GRID1: variants seen among roughly 807,000 people sequenced by gnomAD.
GRID1 encodes the protein glutamate ionotropic receptor delta type subunit 1.
GRID1 carries 28 observed loss-of-function variants against 98.0 expected under a neutral mutation model. The ratio of observed to expected loss-of-function variants is 0.29; its 90% CI spans 0.21 to 0.39. GRID1 has a LOEUF of 0.39. GRID1 is among the 10% of genes least tolerant of loss of function. The pLI, the probability that GRID1 is intolerant of heterozygous loss-of-function variation, is 1.00. For synonymous variants in GRID1, 553 were observed against 538.5 expected, an observed-to-expected ratio of 1.03 and a Z score of -0.37; for missense variants, 1,111 against 1,340.5, an observed-to-expected ratio of 0.83 and a Z score of 2.67.
chr10:86,223,218 T>C (rs1045018419), intron 2 of GRID1, among the ~76,000 whole-genome samples: 14 of 152,126 alleles, frequency 9.2e-5, no homozygotes, highest in Non-Finnish European at 2.1e-4. Flanking sequence ...GAGGGCACAG[T>C]AGGTTGCTCT....
Position 86,364,087 on chromosome 10 carries a change from A to C in GRID1, c.89T>G (p.Phe30Cys). The C allele has an allele frequency of 6.2e-7, 1 of 1,613,818 alleles. No homozygotes were observed. Among genetic ancestry groups the C allele is most frequent in the Admixed American group, 1.7e-5 (1 of 60,008 alleles). Residue 30 changes from phenylalanine to cysteine, a missense_variant, in exon 2 of 16, where the codon TTC becomes TGC. This residue lies in a region of GRID1 where 346 missense variants were observed against 452.3 expected (regional missense o/e 0.76). Coordinates refer to ENST00000327946, the MANE Select transcript of GRID1 (RefSeq NM_017551.3). ...GTCGTCCTTGGCCGCGTTCTCCTCG[A>C]AGATGGCACCTGGAGGAGAGAAGGG... The part of the protein sequence containing the change: ...ADSIIHIGAI[F>C]EENAAKDDRV...
At position 86,053,592 on chromosome 10, in the gene GRID1, G is replaced by C. The variant is rs989832587; in HGVS notation, c.726+85227C>G. 2.0e-5 allele frequency among the ~76,000 whole-genome samples: 3 copies of C among 152,044 alleles called. 1 individual carries two copies. In the South Asian group the frequency reaches 6.2e-4, roughly 32 times the overall value. Reference sequence around the variant, plus strand: ...GGCCAGGCTGGTCTCGAACTCAGGAGATCCGCCCGCCTCGGCCTCCCAAAG... The same window carrying C: ...GGCCAGGCTGGTCTCGAACTCAGGACATCCGCCCGCCTCGGCCTCCCAAAG... On this transcript the variant is annotated intron_variant, in intron 4 of 15. Transcript: ENST00000327946.
intron 3 of GRID1, among the ~76,000 whole-genome samples, chr10:86,188,480 C>A (rs1845755867): frequency 6.6e-6 from 1 of 152,212 alleles, no homozygotes. Flanking sequence ...CCCCTGCCAG[C>A]CCGCTGTCTA....
intron 4 of GRID1, among the ~76,000 whole-genome samples, chr10:86,137,037 C>T (rs1282233613): frequency 6.6e-6 from 1 of 152,062 alleles, no homozygotes; most frequent in Admixed American, 6.5e-5. Flanking sequence ...TCCCATCACA[C>T]CCAGCAATGC....
At chr10:85,968,320 G>A (rs990446618) in intron 4 of GRID1, among the ~76,000 whole-genome samples, 14 of 151,882 alleles carry the variant, frequency 9.2e-5, no homozygotes, top group African/African-American at 2.7e-4. Flanking sequence ...GCCTGGTGGC[G>A]GGCACCTGTA....
At chr10:85,689,162 T>C (rs551789688) in intron 12 of GRID1, among the ~76,000 whole-genome samples, 282 of 152,158 alleles carry the variant, frequency 1.9e-3, no homozygotes, top group Admixed American at 3.0e-3. Context: ...AATGATAAAA[T>C]ATCACACCAT....
chr10:86,254,033 C>G (rs1301462185), intron 2 of GRID1, among the ~76,000 whole-genome samples: 3 of 152,096 alleles, frequency 2.0e-5, no homozygotes, highest in Non-Finnish European at 4.4e-5. Flanking sequence ...CTGTCACCGC[C>G]ACCCCCTTCC....
chr10:85,893,267 T>C (rs916628093), intron 5 of GRID1, among the ~76,000 whole-genome samples: 4 of 152,066 alleles, frequency 2.6e-5, no homozygotes, highest in African/African-American at 9.7e-5. Context: ...TCAACCTACA[T>C]CTAACATCAT....
chr10:85,628,796 C>T lies in GRID1; in HGVS notation c.2194-8763G>A, dbSNP rs563275040. 7.4e-4 allele frequency among the ~76,000 whole-genome samples: 113 copies of T among 152,258 alleles called. 1 individual carries two copies. The highest frequency in any genetic ancestry group is 2.3e-3 in the African/African-American group (96 of 41,538). On this transcript the variant is annotated intron_variant, in intron 13 of 15. Transcript: ENST00000327946. ...CTGAAAAAGCTGCTTTCCTGAGGGTCCACAGGGTGCAAAGTTAATTTGGCT... is the reference window on the plus strand; with the variant it reads ...CTGAAAAAGCTGCTTTCCTGAGGGTTCACAGGGTGCAAAGTTAATTTGGCT...
chr10:85,945,406 C>G (rs1486237984), intron 4 of GRID1, among the ~76,000 whole-genome samples: 1 of 150,664 alleles, frequency 6.6e-6, no homozygotes, highest in Non-Finnish European at 1.5e-5. Flanking sequence ...TCAAAGCCTG[C>G]TTCCAGTTTC....
intron 3 of GRID1, among the ~76,000 whole-genome samples, chr10:86,167,517 G>T (rs117787411): frequency 0.023 from 3,453 of 152,336 alleles, 43 homozygotes; most frequent in Non-Finnish European, 0.035. Context: ...CGGTGCCAAG[G>T]TTCTGTGGGG....
chr10:86,103,346 T>C (rs1844327355), intron 4 of GRID1, among the ~76,000 whole-genome samples: 1 of 152,166 alleles, frequency 6.6e-6, no homozygotes, highest in Non-Finnish European at 1.5e-5. Context: ...CAATTCCCTA[T>C]AGGGCCCAGG....
intron 2 of GRID1, among the ~76,000 whole-genome samples, chr10:86,313,605 G>A (rs1847860537): frequency 6.6e-6 from 1 of 152,190 alleles, no homozygotes; most frequent in Non-Finnish European, 1.5e-5. Flanking sequence ...GCTCAGTTCA[G>A]TAGGTCCTTG....
At chr10:85,999,225 AAAG>A (rs1288657536) in intron 4 of GRID1, among the ~76,000 whole-genome samples, 4 of 150,928 alleles carry the variant, frequency 2.7e-5, no homozygotes, top group African/African-American at 4.9e-5. Flanking sequence ...AAAAAAAAAA[AAAG>A]AAAGAAAGAA....
At chr10:86,148,504 A>G (rs1712550564) in intron 3 of GRID1, among the ~76,000 whole-genome samples, 1 of 152,154 alleles carries the variant, frequency 6.6e-6, no homozygotes, top group Non-Finnish European at 1.5e-5. Flanking sequence ...AGGAGGTGAA[A>G]TTTCAATTAG....
intron 2 of GRID1, among the ~76,000 whole-genome samples, chr10:86,351,267 T>C (rs1239778222): frequency 2.6e-5 from 4 of 152,300 alleles, no homozygotes; most frequent in Admixed American, 1.3e-4. Flanking sequence ...AGACGGTGTA[T>C]GTGGATAGAA....
In GRID1 at chr10:85,601,433, T is replaced by A. The variant is rs1449854107; in HGVS notation, c.*840A>T. On this transcript the variant is annotated 3_prime_UTR_variant, in exon 16 of 16. Coordinates refer to ENST00000327946, the MANE Select transcript of GRID1 (RefSeq NM_017551.3). ...CCAGACCAACCCCACCTCCGCCCAG[T>A]CTCCCTGAGGAAACGATGGAGTCTG... 3 of 152,070 alleles carry A rather than the reference T, an allele frequency of 2.0e-5. No individual in the cohort carries two copies. The highest frequency in any genetic ancestry group is 7.3e-5 in the African/African-American group (3 of 41,366). The allele number at this position is 152,070 out of a possible 1,614,324, so 9.4% of individuals were successfully genotyped here. A position where few individuals can be genotyped will look rare whatever the true frequency, so the allele number is the denominator to read the frequency against.
At chr10:86,175,988 C>T (rs1030470601) in intron 3 of GRID1, among the ~76,000 whole-genome samples, 7 of 152,132 alleles carry the variant, frequency 4.6e-5, no homozygotes, top group African/African-American at 9.7e-5. Flanking sequence ...GGATTACAGG[C>T]GTGAGCCACC....
chr10:85,737,956 A>C (rs1841903465), intron 8 of GRID1, among the ~76,000 whole-genome samples: 1 of 151,864 alleles, frequency 6.6e-6, no homozygotes, highest in South Asian at 2.1e-4. Flanking sequence ...GTGGGTAAGA[A>C]GAAAAAACCC....
Sources: allele counts gnomAD v4.1 joint callset (sites outside exome capture counted in the v4.1 genomes callset), GRCh38; gene constraint gnomAD v4.1.1; regional missense constraint gnomAD v4.1.1; transcripts MANE v1.5; gene names NCBI Gene and HGNC (gene_info 2026-07-23, HGNC 2026-07-21).